PTPN18: variants seen among roughly 807,000 people sequenced by gnomAD.
The protein encoded by PTPN18 is tyrosine-protein phosphatase non-receptor type 18.
PTPN18 carries 65 observed loss-of-function variants against 65.4 expected under a neutral mutation model. The observed-to-expected ratio is 0.99, with a 90% CI of 0.81 to 1.22. The LOEUF (loss-of-function observed/expected upper bound fraction) is 1.22. Ranked by LOEUF, PTPN18 falls within the 50% of genes most tolerant of loss-of-function variation. The pLI is 0.00. For synonymous variants in PTPN18, 255 were observed against 267.8 expected, an observed-to-expected ratio of 0.95 and a Z score of 0.47; for missense variants, 616 against 646.5, an observed-to-expected ratio of 0.95 and a Z score of 0.51.
Position 130,358,924 on chromosome 2 carries a change from G to T in PTPN18, c.151G>T (p.Gly51Cys), listed in dbSNP as rs374051599. ...TGACGGCGTGTGCTCCACCGTGGCC[G>T]GCAGTCGGCCAGAGAACGTGAGGAA... ...KADGVCSTVAGSRPENVRKNR... is the reference protein window; with the variant it reads ...KADGVCSTVACSRPENVRKNR... Residue 51 changes from glycine (G) to cysteine (C), a missense_variant, in exon 2 of 15, where the codon GGC becomes TGC. Physicochemically the swap from Gly to Cys is radical, Grantham distance 159. Around this residue, in one of 3 missense-constraint regions of PTPN18, gnomAD observed 223 missense variants for 210.0 expected, o/e 1.06. Transcript: ENST00000175756. 3.7e-6 allele frequency: 6 copies of T among 1,614,134 alleles called. No individual in the cohort carries two copies. In the East Asian group the frequency reaches 1.1e-4, roughly 30 times the overall value.
intron 12 of PTPN18, 149 bp from the exon 13 acceptor site, chr2:130,372,108 C>A: frequency 1.5e-6 from 1 of 674,022 alleles, no homozygotes; most frequent in Non-Finnish European, 2.4e-6. Context: ...GACACAGAAG[C>A]GAGGCCTCCA....
rs767720564 is a variant in PTPN18 at position 130,371,292 on chromosome 2, C to G, written c.1013+5C>G. ...CCCACCAGGAGGGGTCCTCAGGTAC[C>G]CGGCTCCATCCCCGGATTCTTCCCT... On this transcript the variant is annotated splice_donor_5th_base_variant and intron_variant, in intron 12 of 14. Coordinates refer to ENST00000175756, the MANE Select transcript of PTPN18 (RefSeq NM_014369.4). The G allele has an allele frequency of 3.2e-6, 5 of 1,572,628 alleles. No individual in the cohort carries two copies. The South Asian group carries it at 3.3e-5, about 10-fold the overall frequency.
rs76847861 is a variant in PTPN18 at position 130,374,546 on chromosome 2, A to G, written c.*1322A>G. On this transcript the variant is annotated 3_prime_UTR_variant, in exon 15 of 15. Transcript: ENST00000175756. ...AAACATTAAGCGGCTGTTAAAAGAAATAAAAGGAGGACACGTCTCTGTGCA... is the reference window on the plus strand; with the variant it reads ...AAACATTAAGCGGCTGTTAAAAGAAGTAAAAGGAGGACACGTCTCTGTGCA... 5,007 of 448,542 alleles carry G rather than the reference A, an allele frequency of 0.011. 229 individuals carry two copies. The highest frequency in any genetic ancestry group is 0.095 in the African/African-American group (4,703 of 49,434). 27.8% of individuals were successfully genotyped at this position (448,542 alleles called of 1,614,324 possible).
In PTPN18 at chr2:130,373,420, A is replaced by G. The variant is rs951788197; in HGVS notation, c.*196A>G. On this transcript the variant is annotated 3_prime_UTR_variant, in exon 15 of 15. Transcript: ENST00000175756. This position sits in a 1 kb window ranked among gnomAD's most constrained non-coding sequence, Gnocchi z 4.1. ...AGGCTGGAGGAGGTAGCTAGGGTAT[A>G]GTGGCTGGTGAGGCTGCACAGAGCA... The G allele has an allele frequency of 1.7e-6, 1 of 576,000 alleles. No individual in the cohort carries two copies. Among genetic ancestry groups the G allele is most frequent in the Non-Finnish European group, 3.0e-6 (1 of 335,040 alleles). The allele number at this position is 576,000 out of a possible 1,614,324, so 35.7% of individuals were successfully genotyped here. A position where few individuals can be genotyped will look rare whatever the true frequency, so the allele number is the denominator to read the frequency against.
Position 130,370,560 on chromosome 2 carries a change from G to C in PTPN18, c.693G>C (p.Ala231=). ...CACACTCTGATTCTCTTGTCAGTGCGGGTTGTGGGCGAACAGGCGTCCTGT... is the reference window on the plus strand; with the variant it reads ...CACACTCTGATTCTCTTGTCAGTGCCGGTTGTGGGCGAACAGGCGTCCTGT... ...GPEPLCVHCS[A]GCGRTGVLCT... The change falls in exon 9 of 15, where the codon GCG becomes GCC. Residue 231 remains alanine, a synonymous_variant. Coordinates refer to ENST00000175756, the MANE Select transcript of PTPN18 (RefSeq NM_014369.4). The C allele has an allele frequency of 6.2e-7, 1 of 1,614,118 alleles. No individual in the cohort carries two copies. Among genetic ancestry groups the C allele is most frequent in the Non-Finnish European group, 8.5e-7 (1 of 1,180,036 alleles).
intron 1 of PTPN18, among the ~76,000 whole-genome samples, chr2:130,358,410 G>A (rs1680062336): frequency 1.3e-5 from 2 of 152,112 alleles, no homozygotes; most frequent in Non-Finnish European, 2.9e-5. Flanking sequence ...ATTGTACATT[G>A]TCTTATATGT....
chr2:130,361,099 CTT>C (rs1159604672), intron 5 of PTPN18, among the ~76,000 whole-genome samples: 1 of 152,096 alleles, frequency 6.6e-6, no homozygotes, highest in African/African-American at 2.4e-5. Context: ...AACTGACAGA[CTT>C]TTTAAAAAGA....
chr2:130,361,536 T>TTCTTTCTTTCTTTCTTTC (rs1195380322), intron 5 of PTPN18, among the ~76,000 whole-genome samples: 23 of 140,720 alleles, frequency 1.6e-4, no homozygotes, highest in African/African-American at 7.0e-4. Context: ...CTTTCTTTCT[T>TTCTTTCTTTCTTTCTTTC]TCTTTCTTTC....
At chr2:130,365,009 A>G (rs1030974054) in intron 5 of PTPN18, among the ~76,000 whole-genome samples, 1 of 152,252 alleles carries the variant, frequency 6.6e-6, no homozygotes, top group African/African-American at 2.4e-5. Context: ...GTTTAATGAC[A>G]GGGATATGGT....
chr2:130,357,426 A>G (rs990529253), intron 1 of PTPN18, among the ~76,000 whole-genome samples: 1 of 152,268 alleles, frequency 6.6e-6, no homozygotes, highest in Admixed American at 6.5e-5. Context: ...TGACAAATAT[A>G]TAAAAGTATT....
At chr2:130,372,586 C>T in intron 13 of PTPN18, 103 bp downstream of exon 13, 2 of 1,327,796 alleles carry the variant, frequency 1.5e-6, no homozygotes, top group Non-Finnish European at 9.9e-7. Flanking sequence ...GCGGGGACCC[C>T]AGCCGCTAGC....
At chr2:130,361,414 A>T (rs961219990) in intron 5 of PTPN18, among the ~76,000 whole-genome samples, 3 of 152,038 alleles carry the variant, frequency 2.0e-5, no homozygotes, top group Non-Finnish European at 2.9e-5. Context: ...TAATGATTGG[A>T]TCCCTTTCTA....
chr2:130,370,537 C>T lies in PTPN18; in HGVS notation c.690-20C>T. ...GTTGTGGTCAGGACCTGACCAGGCA[C>T]ACTCTGATTCTCTTGTCAGTGCGGG... On this transcript the variant is annotated intron_variant, in intron 8 of 14. Transcript: ENST00000175756. 2 of 1,614,152 alleles carry T rather than the reference C, an allele frequency of 1.2e-6. No homozygotes were observed. Among genetic ancestry groups the T allele is most frequent in the Non-Finnish European group, 1.7e-6 (2 of 1,180,012 alleles).
chr2:130,372,518 C>T (rs1168678267), intron 13 of PTPN18, 35 bp downstream of exon 13: 10 of 1,403,248 alleles, frequency 7.1e-6, no homozygotes, highest in South Asian at 1.6e-5. Flanking sequence ...AGGGCATCAT[C>T]CTGCTGTGAT....
rs1379389637 is a variant in PTPN18, at chr2:130,370,926, C to T, written c.886C>T (p.Leu296Phe). 1.2e-6 allele frequency: 2 copies of T among 1,614,056 alleles called. No homozygotes were observed. The highest frequency in any genetic ancestry group is 2.7e-5 in the African/African-American group (2 of 74,902). Residue 296 changes from leucine to phenylalanine, a missense_variant, in exon 11 of 15, where the codon CTC becomes TTC. Leu to Phe is a conservative substitution (Grantham distance 22). Around this residue, in one of 3 missense-constraint regions of PTPN18, gnomAD observed 368 missense variants for 386.7 expected, o/e 0.95. Coordinates refer to ENST00000175756, the MANE Select transcript of PTPN18 (RefSeq NM_014369.4). ...GGTGGCTCAGATGTTCTGCTCCACA[C>T]TCCAGAATGCCAGCCCCCACTACCA... ...HTVAQMFCST[L>F]QNASPHYQNI...
chr2:130,371,776 C>T (rs1482864887), intron 12 of PTPN18, among the ~76,000 whole-genome samples: 3 of 152,188 alleles, frequency 2.0e-5, no homozygotes, highest in Non-Finnish European at 4.4e-5. Flanking sequence ...GATCGCACCA[C>T]GGCAGTCCAG....
At chr2:130,363,579 T>G (rs1219647121) in intron 5 of PTPN18, among the ~76,000 whole-genome samples, 1 of 152,248 alleles carries the variant, frequency 6.6e-6, no homozygotes, top group Non-Finnish European at 1.5e-5. Context: ...ACATTTCATA[T>G]AATTGAATCA....
chr2:130,357,324 T>C (rs893639992), intron 1 of PTPN18, among the ~76,000 whole-genome samples: 5 of 152,198 alleles, frequency 3.3e-5, no homozygotes, highest in African/African-American at 1.2e-4. Context: ...TGATGACGTG[T>C]TTAAAGTGTA....
At chr2:130,359,977 C>G in intron 5 of PTPN18, 1 of 343,590 alleles carries the variant, frequency 2.9e-6, no homozygotes, top group Non-Finnish European at 5.5e-6. Flanking sequence ...CTCTGCTGTT[C>G]CCATGTTCCA....
Sources: gnomAD v4.1 joint callset for allele counts (sites outside exome capture counted in the v4.1 genomes callset) on GRCh38, gnomAD v4.1.1 for gene constraint, gnomAD v4.1.1 regional missense constraint, Gnocchi (gnomAD v3.1) non-coding constraint, MANE v1.5 for transcripts, NCBI Gene and HGNC (gene_info 2026-07-23, HGNC 2026-07-21) for gene names.